Variants in TBL1X observed in about 807,000 individuals in gnomAD.
The protein encoded by TBL1X is F-box-like/WD repeat-containing protein TBL1X.
Under a neutral mutation model 50.7 loss-of-function variants are expected in TBL1X, and 10 were observed. The observed-to-expected ratio is 0.20, with a 90% CI of 0.12 to 0.33. The LOEUF (loss-of-function observed/expected upper bound fraction) is 0.33, where lower values mean the gene tolerates loss of function less well. TBL1X is among the 10% of genes least tolerant of loss of function. The pLI is 1.00. For missense variants in TBL1X, 340 were observed against 504.4 expected (o/e 0.67, Z 3.12); for synonymous variants, 190 against 214.7 (o/e 0.88, Z 1.01).
intron 1 of TBL1X, among the ~76,000 whole-genome samples, chrX:9,480,925 G>A (rs146945727): frequency 0.017 from 1,833 of 111,063 alleles, 17 homozygotes; most frequent in Non-Finnish European, 0.025. Context: ...GTATGAATGT[G>A]TTGTTAGTAT....
chrX:9,585,200 A>G (rs2082461887), intron 2 of TBL1X, among the ~76,000 whole-genome samples: 1 of 111,141 alleles, frequency 9.0e-6, no homozygotes, highest in Non-Finnish European at 1.9e-5. Flanking sequence ...AAGTTTTCTA[A>G]GCACTTCTTA....
At position 9,591,156 on chromosome X, in the gene TBL1X, C is replaced by A. The variant is rs1396335303; in HGVS notation, c.-130-49117C>A. On this transcript the variant is annotated intron_variant, in intron 2 of 17. Coordinates refer to ENST00000645353, the MANE Select transcript of TBL1X (RefSeq NM_005647.4). Reference sequence around the variant, plus strand: ...CTCCCCGTGACCCTGAGCAAAACTTCCAAGTTTGAAGCCTCAATTTTATGC... The same window carrying A: ...CTCCCCGTGACCCTGAGCAAAACTTACAAGTTTGAAGCCTCAATTTTATGC... Among the ~76,000 whole-genome samples, 3 of 111,076 alleles carry A rather than the reference C, an allele frequency of 2.7e-5. No individual in the cohort carries two copies. In the Admixed American group the frequency reaches 2.9e-4, roughly 11 times the overall value.
Position 9,492,881 on chromosome X carries a change from GT to G in TBL1X, c.-200-8898del, listed in dbSNP as rs1569206132. On this transcript the variant is annotated intron_variant, in intron 1 of 17. Transcript: ENST00000645353. The stretch of plus-strand genomic sequence containing the variant: ...TGTGTGTGTGTGTGTGTGTGTGTGT[GT>G]GTGTGTGTGTGTGTGTAGGGGAGGA... 1.5e-3 allele frequency among the ~76,000 whole-genome samples: 86 copies of G among 56,468 alleles called. 3 individuals are homozygous for G. The highest frequency in any genetic ancestry group is 7.7e-3 in the Middle Eastern group (1 of 130). The allele number at this position is 56,468 out of a possible 115,157, so 49.0% of individuals were successfully genotyped here.
Position 9,715,854 on chromosome X carries a change from C to T in TBL1X, c.1708-366C>T, listed in dbSNP as rs759709423. ...GGGGCAAGCGGCCGTTCTGGCTGAACGGCCAAGGGTCAGAGTAGTCCCCAA... is the reference window on the plus strand; with the variant it reads ...GGGGCAAGCGGCCGTTCTGGCTGAATGGCCAAGGGTCAGAGTAGTCCCCAA... On this transcript the variant is annotated intron_variant, in intron 17 of 17. Coordinates refer to ENST00000645353, the MANE Select transcript of TBL1X (RefSeq NM_005647.4). Among the ~76,000 whole-genome samples, 4 of 112,091 alleles carry T rather than the reference C, an allele frequency of 3.6e-5. No homozygotes were observed. In the South Asian group the frequency reaches 1.1e-3, roughly 31 times the overall value.
chrX:9,657,005 A>G (rs1339206376), intron 5 of TBL1X, among the ~76,000 whole-genome samples: 1 of 111,396 alleles, frequency 9.0e-6, no homozygotes, highest in African/African-American at 3.3e-5. Context: ...CACCCCACCA[A>G]ACTCATTAAA....
chrX:9,528,203 G>A (rs777349536), intron 2 of TBL1X, among the ~76,000 whole-genome samples: 1 of 111,737 alleles, frequency 8.9e-6, no homozygotes, highest in South Asian at 3.8e-4. Flanking sequence ...CTGTGGATTT[G>A]ACTAGTCTGA....
At chrX:9,576,556 A>G (rs1158600016) in intron 2 of TBL1X, among the ~76,000 whole-genome samples, 2 of 111,003 alleles carry the variant, frequency 1.8e-5, no homozygotes, top group African/African-American at 6.6e-5. Context: ...CATTAATTGC[A>G]TGTAAAGTTG....
At position 9,679,688 on chromosome X, in the gene TBL1X, G is replaced by A. The variant is rs56402043; in HGVS notation, c.212-4355G>A. On this transcript the variant is annotated intron_variant, in intron 5 of 17. Transcript: ENST00000645353. The stretch of plus-strand genomic sequence containing the variant: ...GCAGAAGAGATGTGTTCAGAGATGC[G>A]GGAAAGCTGAGGAGGCACAAGGCAC... 6.9e-3 allele frequency among the ~76,000 whole-genome samples: 767 copies of A among 111,917 alleles called. 4 individuals are homozygous for A. The highest frequency in any genetic ancestry group is 0.012 in the Non-Finnish European group (614 of 53,137).
intron 2 of TBL1X, among the ~76,000 whole-genome samples, chrX:9,576,780 C>A (rs768895601): frequency 9.3e-6 from 1 of 107,774 alleles, no homozygotes; most frequent in South Asian, 4.2e-4. Flanking sequence ...GGGAGGATCG[C>A]TTGAGCCCAG....
At chrX:9,562,425 T>C (rs2082328992) in intron 2 of TBL1X, among the ~76,000 whole-genome samples, 1 of 112,225 alleles carries the variant, frequency 8.9e-6, no homozygotes, top group African/African-American at 3.2e-5. Flanking sequence ...TTGTTTTTTG[T>C]TTAGAAGTAC....
chrX:9,648,865 G>T (rs775432524), intron 3 of TBL1X, among the ~76,000 whole-genome samples: 1 of 112,491 alleles, frequency 8.9e-6, no homozygotes, highest in Non-Finnish European at 1.9e-5. Context: ...GTGAAATTTA[G>T]TTCTGGTCTT....
chrX:9,595,625 A>G, intron 2 of TBL1X, among the ~76,000 whole-genome samples: 1 of 111,752 alleles, frequency 8.9e-6, no homozygotes, highest in Non-Finnish European at 1.9e-5. Context: ...TGAAAGGGAA[A>G]CCTTAACTAT....
intron 2 of TBL1X, among the ~76,000 whole-genome samples, chrX:9,535,302 C>T (rs1354208537): frequency 8.9e-6 from 1 of 112,283 alleles, no homozygotes; most frequent in Non-Finnish European, 1.9e-5. Context: ...TGTAAGGAAA[C>T]GAAATCATCG....
chrX:9,473,972 C>CT (rs1480168571), intron 1 of TBL1X, among the ~76,000 whole-genome samples: 4 of 112,317 alleles, frequency 3.6e-5, no homozygotes, highest in East Asian at 2.8e-4. Flanking sequence ...TTATGGGACT[C>CT]TGAGTGTAAT....
chrX:9,637,987 A>G (rs182872439), intron 2 of TBL1X: 1 of 112,018 alleles, frequency 8.9e-6, no homozygotes, highest in Admixed American at 9.5e-5. Flanking sequence ...TGCAGTTTCT[A>G]AATTATCTTG....
At chrX:9,587,731 A>C (rs2082477742) in intron 2 of TBL1X, among the ~76,000 whole-genome samples, 1 of 111,340 alleles carries the variant, frequency 9.0e-6, no homozygotes, top group African/African-American at 3.3e-5. Context: ...TGCACCCGTC[A>C]CCACAGCCCA....
rs765247159 is a variant in TBL1X, at chrX:9,468,327, G to C, written c.-201+2880G>C. 2.7e-5 allele frequency among the ~76,000 whole-genome samples: 3 copies of C among 112,083 alleles called. No individual in the cohort carries two copies. In the South Asian group the frequency reaches 1.1e-3, roughly 41 times the overall value. ...TCTGGAATGTTGCAGCCAACTAATG[G>C]TTCTCATTTGGGACAGTTTTGTCCC... On this transcript the variant is annotated intron_variant, in intron 1 of 17. Coordinates refer to ENST00000645353, the MANE Select transcript of TBL1X (RefSeq NM_005647.4).
intron 3 of TBL1X, among the ~76,000 whole-genome samples, chrX:9,652,863 A>G (rs1001947210): frequency 1.4e-4 from 15 of 109,900 alleles, no homozygotes; most frequent in East Asian, 2.8e-4. Flanking sequence ...AAAAAAAAAA[A>G]AAAGAAAGAA....
At chrX:9,626,127 T>C (rs1372804892) in intron 2 of TBL1X, among the ~76,000 whole-genome samples, 1 of 111,273 alleles carries the variant, frequency 9.0e-6, no homozygotes, top group Non-Finnish European at 1.9e-5. Flanking sequence ...ACTAAACTCA[T>C]GTAACACGAA....
Sources: gnomAD v4.1 joint callset for allele counts (sites outside exome capture counted in the v4.1 genomes callset) on GRCh38, gnomAD v4.1.1 for gene constraint, MANE v1.5 for transcripts, NCBI Gene and HGNC (gene_info 2026-07-23, HGNC 2026-07-21) for gene names.